Variants in CCSER1 observed in about 807,000 individuals in gnomAD.
The protein encoded by CCSER1 is serine-rich coiled-coil domain-containing protein 1.
A neutral mutation model predicts 82.0 loss-of-function variants in CCSER1; 41 were observed. That is an observed-to-expected ratio of 0.50 (90% CI 0.39 to 0.65). The LOEUF (loss-of-function observed/expected upper bound fraction) is 0.65. CCSER1 is among the 30% of genes least tolerant of loss of function. The pLI, the probability that CCSER1 is intolerant of heterozygous loss-of-function variation, is 0.00. For missense variants in CCSER1, 1,119 were observed against 1,064.2 expected (o/e 1.05, Z -0.72); for synonymous variants, 414 against 383.9 (o/e 1.08, Z -0.92).
chr4:90,429,793 T>C (rs1758024611), intron 4 of CCSER1, among the ~76,000 whole-genome samples: 1 of 151,838 alleles, frequency 6.6e-6, no homozygotes, highest in African/African-American at 2.4e-5. Flanking sequence ...AGTAACAAGA[T>C]TTTCCTTAGT....
intron 7 of CCSER1, among the ~76,000 whole-genome samples, chr4:90,807,416 C>T (rs2149724277): frequency 6.6e-6 from 1 of 152,184 alleles, no homozygotes; most frequent in Non-Finnish European, 1.5e-5. Context: ...AAGCATCTTC[C>T]TTGTAGTCAA....
chr4:90,556,606 G>T (rs1158890927), intron 5 of CCSER1, among the ~76,000 whole-genome samples: 1 of 151,770 alleles, frequency 6.6e-6, no homozygotes, highest in Non-Finnish European at 1.5e-5. Flanking sequence ...ATTATATACT[G>T]TATACTGTAT....
chr4:91,294,418 A>G (rs528714030), intron 10 of CCSER1, among the ~76,000 whole-genome samples: 1 of 151,834 alleles, frequency 6.6e-6, no homozygotes, highest in South Asian at 2.1e-4. Flanking sequence ...TTTTAAAATA[A>G]TATGTCGAAC....
intron 1 of CCSER1, among the ~76,000 whole-genome samples, chr4:90,200,502 G>A (rs1251637004): frequency 6.6e-6 from 1 of 151,734 alleles, no homozygotes; most frequent in African/African-American, 2.4e-5. Flanking sequence ...AAAAAACCCA[G>A]CAAAGCCCTC....
intron 10 of CCSER1, among the ~76,000 whole-genome samples, chr4:91,432,497 T>G (rs1419912579): frequency 1.3e-5 from 2 of 152,186 alleles, no homozygotes; most frequent in Admixed American, 6.5e-5. Context: ...TTAAAACAAT[T>G]TACAATGTAC....
chr4:90,376,903 G>T (rs1036494131), intron 3 of CCSER1, among the ~76,000 whole-genome samples: 1 of 152,138 alleles, frequency 6.6e-6, no homozygotes, highest in African/African-American at 2.4e-5. Context: ...TAGAGATAAT[G>T]TCTCCTTCCA....
chr4:90,576,914 T>G (rs1309574842), intron 5 of CCSER1, among the ~76,000 whole-genome samples: 1 of 152,116 alleles, frequency 6.6e-6, no homozygotes, highest in Admixed American at 6.5e-5. Context: ...GATCATATAG[T>G]AAGTAAGAGT....
intron 9 of CCSER1, among the ~76,000 whole-genome samples, chr4:91,023,177 G>A (rs1406582841): frequency 5.3e-5 from 8 of 152,120 alleles, no homozygotes; most frequent in Non-Finnish European, 7.4e-5. Flanking sequence ...AAATGGAAGA[G>A]CATTCCATGC....
At chr4:90,496,971 CA>C (rs771281710) in intron 5 of CCSER1, among the ~76,000 whole-genome samples, 3,617 of 55,174 alleles carry the variant, frequency 0.066, 19 homozygotes, top group South Asian at 0.085. Context: ...AGCGAGACTA[CA>C]AAAAAAAAAA....
chr4:90,664,270 T>C (rs945639184), intron 6 of CCSER1, among the ~76,000 whole-genome samples: 2 of 152,182 alleles, frequency 1.3e-5, no homozygotes, highest in Non-Finnish European at 2.9e-5. Context: ...TCCAGCTAGA[T>C]GGCAAGCAAT....
chr4:90,569,689 C>T (rs537466031), intron 5 of CCSER1, among the ~76,000 whole-genome samples: 3 of 152,268 alleles, frequency 2.0e-5, no homozygotes, highest in Admixed American at 6.5e-5. Context: ...TGCTGCATTG[C>T]GTTGTTTCAG....
In CCSER1 at chr4:90,615,686, T is replaced by C. The variant is rs561710782; in HGVS notation, c.1725-12339T>C. On this transcript the variant is annotated intron_variant, in intron 5 of 10. Transcript: ENST00000509176. ...GCACAGAAAGTGTTGTTTTTTTTTT[T>C]TCTTTTTTTGAGATAGATTCTACTC... is the stretch of plus-strand genomic sequence containing the variant. Among the ~76,000 whole-genome samples, 208 of 151,910 alleles carry C rather than the reference T, an allele frequency of 1.4e-3. 1 individual carries two copies. Among genetic ancestry groups the C allele is most frequent in the South Asian group, 1.0e-2 (48 of 4,818 alleles).
intron 8 of CCSER1, among the ~76,000 whole-genome samples, chr4:90,822,622 C>T (rs1206652970): frequency 3.3e-5 from 5 of 150,894 alleles, no homozygotes; most frequent in South Asian, 2.1e-4. Context: ...CAGCCACTCC[C>T]GAGGCTGAGA....
chr4:91,524,732 G>C (rs757766926), intron 10 of CCSER1, among the ~76,000 whole-genome samples: 2 of 152,052 alleles, frequency 1.3e-5, no homozygotes, highest in East Asian at 3.9e-4. Flanking sequence ...TGATTACACC[G>C]CAGAAAACAA....
intron 6 of CCSER1, among the ~76,000 whole-genome samples, chr4:90,718,663 T>A (rs556029077): frequency 1.3e-3 from 194 of 152,228 alleles, no homozygotes; most frequent in Non-Finnish European, 2.4e-3. Flanking sequence ...TCTGTCAAAA[T>A]TTACTTTGAT....
intron 9 of CCSER1, among the ~76,000 whole-genome samples, chr4:90,956,375 G>A (rs1371343581): frequency 2.0e-5 from 3 of 152,002 alleles, no homozygotes; most frequent in Admixed American, 1.3e-4. Context: ...CTAAGGCATA[G>A]GATTTTCCTA....
chr4:90,485,283 T>G (rs2153600936), intron 5 of CCSER1, among the ~76,000 whole-genome samples: 1 of 152,308 alleles, frequency 6.6e-6, no homozygotes, highest in Admixed American at 6.5e-5. Flanking sequence ...CACCCGTTTC[T>G]TTGACTAGGA....
chr4:90,845,613 C>T (rs1040740640), intron 8 of CCSER1, among the ~76,000 whole-genome samples: 2 of 152,096 alleles, frequency 1.3e-5, no homozygotes, highest in South Asian at 4.1e-4. Context: ...GAGTAGTTAT[C>T]AGAATCAGAA....
chr4:91,233,753 A>G (rs1429104196), intron 10 of CCSER1, among the ~76,000 whole-genome samples: 5 of 152,022 alleles, frequency 3.3e-5, no homozygotes, highest in African/African-American at 7.2e-5. Flanking sequence ...TATTTAGTAT[A>G]TAAATTCAGT....
Sources: allele counts gnomAD v4.1 joint callset (sites outside exome capture counted in the v4.1 genomes callset), GRCh38; gene constraint gnomAD v4.1.1; transcripts MANE v1.5; gene names NCBI Gene and HGNC (gene_info 2026-07-23, HGNC 2026-07-21).